Variants in TPR observed in about 807,000 individuals in gnomAD.
The protein encoded by TPR is nucleoprotein TPR.
A neutral mutation model predicts 316.1 loss-of-function variants in TPR; 51 were observed. The ratio of observed to expected loss-of-function variants is 0.16; its 90% CI spans 0.13 to 0.20. The LOEUF is 0.20. Among genes scored for constraint, TPR ranks in the 10% least tolerant of loss-of-function variants. The probability of loss-of-function intolerance (pLI) is 1.00; values close to 1 mark genes in which losing one functional copy is unlikely to be tolerated. For missense variants in TPR, 2,272 were observed against 2,754.8 expected (o/e 0.82, Z 3.92); for synonymous variants, 981 against 914.7 (o/e 1.07, Z -1.31).
Position 186,357,560 on chromosome 1 carries a change from C to G in TPR, c.1561G>C (p.Val521Leu). The G allele has an allele frequency of 6.2e-7, 1 of 1,614,084 alleles. No individual in the cohort carries two copies. The stretch of plus-strand genomic sequence containing the variant: ...GAACTACTTATATCAGCAGAGCTTA[C>G]TTCCTCATCACGAATTACGTGGTTA... ...RGNHVIRDEEVSSADISSSSE... is the reference protein window; with the variant it reads ...RGNHVIRDEELSSADISSSSE... Residue 521 changes from valine (V) to leucine (L), a missense_variant, in exon 14 of 51, where the codon GTA becomes CTA. This residue lies in a region of TPR where 549 missense variants were observed against 598.6 expected (regional missense o/e 0.92). Transcript: ENST00000367478.
chr1:186,374,920 C>T lies in TPR; in HGVS notation c.109G>A (p.Asp37Asn), dbSNP rs1388532416. The stretch of plus-strand genomic sequence containing the variant: ...TTCTCATGCCGCCCCTTCAGGCCAT[C>T]GATCTCGGATTGCTGATCAGCAAGG... ...KFLADQQSEI[D>N]GLKGRHEKFK... Residue 37 changes from aspartate to asparagine, a missense_variant, in exon 1 of 51, where the codon GAT becomes AAT. Coordinates refer to ENST00000367478, the MANE Select transcript of TPR (RefSeq NM_003292.3). The T allele has an allele frequency of 6.2e-7, 1 of 1,603,860 alleles. No homozygotes were observed. The highest frequency in any genetic ancestry group is 1.1e-5 in the South Asian group (1 of 90,902).
At chr1:186,346,312 A>G in intron 22 of TPR, 25 bp from the exon 23 acceptor site, 1 of 1,583,252 alleles carries the variant, frequency 6.3e-7, no homozygotes. Flanking sequence ...AAACAGTAGG[A>G]TATAAAAATT....
intron 26 of TPR, 39 bp from the exon 27 acceptor site, chr1:186,343,512 AAAAAGCC>A (rs755129482): frequency 6.3e-7 from 1 of 1,583,754 alleles, no homozygotes. Flanking sequence ...TGTGAATTTT[AAAAAGCC>A]AACATTACAA....
chr1:186,364,881 T>C (rs1298615179), intron 4 of TPR, among the ~76,000 whole-genome samples: 1 of 152,158 alleles, frequency 6.6e-6, no homozygotes, highest in Non-Finnish European at 1.5e-5. Flanking sequence ...ATAGGCTAAC[T>C]CTACCGTACT....
intron 39 of TPR, among the ~76,000 whole-genome samples, chr1:186,328,793 C>G (rs1658072936): frequency 6.6e-6 from 1 of 152,154 alleles, no homozygotes; most frequent in Non-Finnish European, 1.5e-5. Flanking sequence ...ATTCCTTGCT[C>G]AATCTATTTC....
rs202240855 is a variant in TPR at position 186,325,856 on chromosome 1, TA to T, written c.6022-3del. 1,726 of 1,612,148 alleles carry T rather than the reference TA, an allele frequency of 1.1e-3. 19 individuals carry two copies. In the African/African-American group the frequency reaches 0.021, roughly 20 times the overall value. On this transcript the variant is annotated splice_polypyrimidine_tract_variant and splice_region_variant and intron_variant, in intron 41 of 50. Coordinates refer to ENST00000367478, the MANE Select transcript of TPR (RefSeq NM_003292.3). ...ACCTGGATCAGTCCCATCACCACCC[TA>T]AAAACAAAACGTGGTAACATAATGC...
intron 39 of TPR, 110 bp from the exon 40 acceptor site, chr1:186,327,770 C>G: frequency 1.1e-6 from 1 of 924,046 alleles, no homozygotes; most frequent in South Asian, 1.7e-5. Flanking sequence ...TACTTATGGA[C>G]TAGCAGCATT....
chr1:186,319,634 A>T (rs1340676758), intron 46 of TPR, among the ~76,000 whole-genome samples: 1 of 152,204 alleles, frequency 6.6e-6, no homozygotes, highest in South Asian at 2.1e-4. Flanking sequence ...CAGATGTTAC[A>T]TTACATGACT....
rs115482159 is a variant in TPR at position 186,332,304 on chromosome 1, C to T, written c.5495G>A (p.Arg1832His). The change falls in exon 38 of 51, where the codon CGT becomes CAT. Residue 1832 changes from arginine (R) to histidine (H), a missense_variant. Around this residue, in one of 10 missense-constraint regions of TPR, gnomAD observed 435 missense variants for 461.1 expected, o/e 0.94. Coordinates refer to ENST00000367478, the MANE Select transcript of TPR (RefSeq NM_003292.3). ...TATGGTGCTATCCTCTTCCTCTTCA[C>T]GTGTACGCTTTGGCAAAGAAGAACT... ...TPSSSLPKRT[R>H]EEEEDSTIEA... 4.7e-3 allele frequency: 7,638 copies of T among 1,612,608 alleles called. 40 individuals are homozygous for T. Among genetic ancestry groups the T allele is most frequent in the South Asian group, 5.4e-3 (494 of 90,772 alleles).
At chr1:186,318,896 T>C in intron 46 of TPR, 68 bp from the exon 47 acceptor site, 1 of 1,451,754 alleles carries the variant, frequency 6.9e-7, no homozygotes, top group African/African-American at 1.4e-5. Flanking sequence ...GTCAGGGATG[T>C]GAAAGAAAAA....
Position 186,312,968 on chromosome 1 carries a change from G to C in TPR, c.*1003C>G. On this transcript the variant is annotated 3_prime_UTR_variant, in exon 51 of 51. Transcript: ENST00000367478. ...AACATGAAGATAAAGTAAAAATGCT[G>C]GCTGCAATGATGACTGAATGTGAGA... 2.0e-6 allele frequency: 3 copies of C among 1,465,966 alleles called. No homozygotes were observed. The highest frequency in any genetic ancestry group is 1.7e-4 in the Middle Eastern group (1 of 5,790). 90.8% of individuals were successfully genotyped at this position (1,465,966 alleles called of 1,614,324 possible).
chr1:186,352,118 TA>T lies in TPR; in HGVS notation c.2335-9del. 6.4e-7 allele frequency: 1 copy of T among 1,568,604 alleles called. No homozygotes were observed. The highest frequency in any genetic ancestry group is 8.6e-7 in the Non-Finnish European group (1 of 1,162,982). On this transcript the variant is annotated splice_polypyrimidine_tract_variant and intron_variant, in intron 18 of 50. Coordinates refer to ENST00000367478, the MANE Select transcript of TPR (RefSeq NM_003292.3). ...CAAATTTTCTGCTCTTACCTAAACA[TA>T]AGTAGAAATGAAATAAAAAATGCTG...
chr1:186,326,355 T>G, intron 40 of TPR, 120 bp from the exon 41 acceptor site: 1 of 1,458,094 alleles, frequency 6.9e-7, no homozygotes. Context: ...GGAATTGTCC[T>G]GAGAGTTGTA....
chr1:186,352,770 C>CA (rs1490090983), intron 18 of TPR, among the ~76,000 whole-genome samples: 8 of 152,146 alleles, frequency 5.3e-5, no homozygotes, highest in African/African-American at 1.7e-4. Context: ...GACATGGGTT[C>CA]AAGTCCTAAC....
chr1:186,353,915 A>G (rs1658947304), intron 17 of TPR, 65 bp from the exon 18 acceptor site: 1 of 1,478,350 alleles, frequency 6.8e-7, no homozygotes, highest in African/African-American at 1.4e-5. Flanking sequence ...CCTTGAAGAA[A>G]TTTCACAATA....
chr1:186,358,138 C>A (rs1659082694), intron 13 of TPR, among the ~76,000 whole-genome samples: 2 of 152,026 alleles, frequency 1.3e-5, no homozygotes, highest in African/African-American at 4.8e-5. Flanking sequence ...ACAGTCCAGT[C>A]TTACTTCAGT....
chr1:186,358,182 G>T (rs1659083642), intron 13 of TPR, among the ~76,000 whole-genome samples: 1 of 152,034 alleles, frequency 6.6e-6, no homozygotes, highest in South Asian at 2.1e-4. Context: ...GTTTATATAT[G>T]CTCATGTATA....
chr1:186,360,331 A>G lies in TPR; in HGVS notation c.1133T>C (p.Met378Thr), dbSNP rs772361385. 2.5e-5 allele frequency: 41 copies of G among 1,613,384 alleles called. No individual in the cohort carries two copies. The highest frequency in any genetic ancestry group is 3.3e-5 in the Admixed American group (2 of 59,958). Reference protein sequence around the residue: ...AILSEEELAAMSPTAAAVAKI... With the variant: ...AILSEEELAATSPTAAAVAKI... ...AGCTACAGCTGCTGCAGTAGGAGAC[A>G]TGGCGGCAAGCTCTTCTTCAGACAA... The change falls in exon 11 of 51, where the codon ATG (methionine) becomes ACG (threonine). Residue 378 changes from methionine (M) to threonine (T), a missense_variant. By Grantham distance (81) the Met-to-Thr change is moderately conservative. Around this residue, in one of 10 missense-constraint regions of TPR, gnomAD observed 549 missense variants for 598.6 expected, o/e 0.92. Coordinates refer to ENST00000367478, the MANE Select transcript of TPR (RefSeq NM_003292.3).
chr1:186,325,592 A>C, intron 42 of TPR, 172 bp downstream of exon 42: 1 of 514,346 alleles, frequency 1.9e-6, no homozygotes, highest in Non-Finnish European at 3.3e-6. Flanking sequence ...AGCACCTAAC[A>C]ATCATAAATA....
Sources: allele counts gnomAD v4.1 joint callset (sites outside exome capture counted in the v4.1 genomes callset), GRCh38; gene constraint gnomAD v4.1.1; regional missense constraint gnomAD v4.1.1; transcripts MANE v1.5; gene names NCBI Gene and HGNC (gene_info 2026-07-23, HGNC 2026-07-21).